MYOM2: variants seen among roughly 807,000 people sequenced by gnomAD.
The protein encoded by MYOM2 is myomesin 2.
A neutral mutation model predicts 187.6 loss-of-function variants in MYOM2; 254 were observed. The observed-to-expected ratio is 1.35, with a 90% confidence interval of 1.22 to 1.50. The LOEUF (loss-of-function observed/expected upper bound fraction) is 1.50, where lower values mean the gene tolerates loss of function less well. MYOM2 is among the 40% of genes most tolerant of loss of function. The pLI is 0.00. For synonymous variants in MYOM2, 981 were observed against 753.8 expected, an observed-to-expected ratio of 1.30 and a Z score of -4.94; for missense variants, 2,796 against 1,924.0, an observed-to-expected ratio of 1.45 and a Z score of -8.48.
Position 2,123,253 on chromosome 8 carries a change from T to C in MYOM2, c.3455T>C (p.Val1152Ala), listed in dbSNP as rs750947451. 18 of 1,607,114 alleles carry C rather than the reference T, an allele frequency of 1.1e-5. No homozygotes were observed. The highest frequency in any genetic ancestry group is 8.0e-5 in the African/African-American group (6 of 74,646). ...EECEVRLVCK[V>A]ANTKKETVFK... ...AAACTTAAGCTTTCTACCTCACAGG[T>C]TGCAAACACCAAGAAAGAAACCGTT... The change falls in exon 29 of 37, where the codon GTT (valine) becomes GCT (alanine). Residue 1152 changes from valine (V) to alanine (A), a missense_variant and splice_region_variant. Physicochemically the swap from Val to Ala is moderately conservative, Grantham distance 64. Coordinates refer to ENST00000262113, the MANE Select transcript of MYOM2 (RefSeq NM_003970.4).
At chr8:2,070,514 T>G (rs1435810066) in intron 8 of MYOM2, among the ~76,000 whole-genome samples, 2 of 152,136 alleles carry the variant, frequency 1.3e-5, no homozygotes, top group African/African-American at 2.4e-5. Flanking sequence ...TGGGTGTCTG[T>G]GTGTAGCTCT....
chr8:2,144,669 G>T lies in MYOM2; in HGVS notation c.4086G>T (p.Leu1362Phe). Residue 1362 changes from leucine (L) to phenylalanine (F), a missense_variant, in exon 37 of 37, where the codon TTG becomes TTT. Leu to Phe is a conservative substitution (Grantham distance 22). Transcript: ENST00000262113. The stretch of plus-strand genomic sequence containing the variant: ...CCAACCTCTTCCGTCCAAAGACCTT[G>T]AATCTGACCTGCACGGTGTTTGGAA... Reference protein sequence around the residue: ...DVVTIMEGKTLNLTCTVFGNP... With the variant: ...DVVTIMEGKTFNLTCTVFGNP... The T allele has an allele frequency of 6.2e-7, 1 of 1,613,544 alleles. No homozygotes were observed. The highest frequency in any genetic ancestry group is 8.5e-7 in the Non-Finnish European group (1 of 1,179,928).
chr8:2,097,036 A>G (rs1224915495), intron 18 of MYOM2: 1 of 790,564 alleles, frequency 1.3e-6, no homozygotes, highest in African/African-American at 1.9e-5. Context: ...ATCTGAGCAT[A>G]GATGAATGAC....
At chr8:2,065,700 A>G (rs1818996829) in intron 6 of MYOM2, among the ~76,000 whole-genome samples, 1 of 152,228 alleles carries the variant, frequency 6.6e-6, no homozygotes, top group Admixed American at 6.5e-5. Context: ...ATCCAAGACA[A>G]GTAGTTTCAA....
chr8:2,081,884 T>G (rs1160328053), intron 13 of MYOM2: 2 of 152,248 alleles, frequency 1.3e-5, no homozygotes, highest in East Asian at 3.8e-4. Context: ...ACACAGATGC[T>G]CTTTTCCATG....
intron 31 of MYOM2, among the ~76,000 whole-genome samples, chr8:2,126,974 G>A (rs1023384831): frequency 6.7e-6 from 1 of 149,298 alleles, no homozygotes; most frequent in African/African-American, 2.5e-5. Context: ...CACTGAGAGA[G>A]GCTGACGGAG....
intron 13 of MYOM2, among the ~76,000 whole-genome samples, chr8:2,084,187 C>G (rs1819730033): frequency 6.6e-6 from 1 of 152,238 alleles, no homozygotes; most frequent in Admixed American, 6.5e-5. Context: ...GGAGAGCAGG[C>G]CTGTGGGGTG....
rs527837675 is a variant in MYOM2 at position 2,098,810 on chromosome 8, T to TA, written c.2314-45dup. The TA allele has an allele frequency of 4.7e-5, 73 of 1,567,594 alleles. 1 individual carries two copies. In the South Asian group the frequency reaches 7.4e-4, roughly 16 times the overall value. On this transcript the variant is annotated intron_variant, in intron 18 of 36. Transcript: ENST00000262113. Reference sequence around the variant, plus strand: ...ACAACTCCTCCCCCTCAGTGGGCTGTAAGGCATCCTTTATCTCATGTATTA... The same window carrying TA: ...ACAACTCCTCCCCCTCAGTGGGCTGTAAAGGCATCCTTTATCTCATGTATTA...
rs1250818614 is a variant in MYOM2, at chr8:2,052,152, C to T, written c.108-6C>T. On this transcript the variant is annotated splice_polypyrimidine_tract_variant and splice_region_variant and intron_variant, in intron 2 of 36. Transcript: ENST00000262113. ...GCATCTCCTAATCGTGTCCATGTTC[C>T]TGAAGGCGAGCTTCCACCCAGGCAT... 4 of 1,612,982 alleles carry T rather than the reference C, an allele frequency of 2.5e-6. No homozygotes were observed. The Admixed American group carries it at 5.0e-5, about 20-fold the overall frequency.
chr8:2,123,534 T>C (rs1319394843), intron 29 of MYOM2, 21 bp from the exon 30 acceptor site: 1 of 1,602,736 alleles, frequency 6.2e-7, no homozygotes, highest in East Asian at 2.2e-5. Flanking sequence ...TACATAAATA[T>C]GGAATGTGTT....
chr8:2,067,423 T>C (rs114970622), intron 6 of MYOM2, among the ~76,000 whole-genome samples: 495 of 152,290 alleles, frequency 3.3e-3, no homozygotes, highest in Middle Eastern at 0.01. Flanking sequence ...ACGTGGACCT[T>C]GTTTACCTAG....
chr8:2,064,413 G>A (rs575642926), intron 6 of MYOM2, among the ~76,000 whole-genome samples: 1 of 152,334 alleles, frequency 6.6e-6, no homozygotes, highest in Admixed American at 6.5e-5. Context: ...GAGCTCCTTA[G>A]CGGGGCGCCT....
intron 17 of MYOM2, among the ~76,000 whole-genome samples, chr8:2,094,545 G>T (rs758202082): frequency 2.6e-5 from 4 of 152,154 alleles, no homozygotes; most frequent in Non-Finnish European, 5.9e-5. Flanking sequence ...CCAGCTACTC[G>T]ATAGGCTGAG....
In MYOM2 at chr8:2,123,325, C is replaced by T; in HGVS notation, c.3527C>T (p.Pro1176Leu). The change falls in exon 29 of 37, where the codon CCT (proline) becomes CTT (leucine). Residue 1176 changes from proline to leucine, a missense_variant. Transcript: ENST00000262113. Reference protein sequence around the residue: ...DDVLYETETLPNLERGICELL... With the variant: ...DDVLYETETLLNLERGICELL... ...GTTCTGTATGAAACGGAGACACTGCCTAACCTGGAGAGGGGAATCTGTGAG... is the reference window on the plus strand; with the variant it reads ...GTTCTGTATGAAACGGAGACACTGCTTAACCTGGAGAGGGGAATCTGTGAG... The T allele has an allele frequency of 6.2e-7, 1 of 1,614,014 alleles. No individual in the cohort carries two copies. The highest frequency in any genetic ancestry group is 8.5e-7 in the Non-Finnish European group (1 of 1,179,968).
chr8:2,101,204 C>T (rs1412793584), intron 20 of MYOM2, 150 bp downstream of exon 20: 9 of 742,056 alleles, frequency 1.2e-5, no homozygotes, highest in Middle Eastern at 3.9e-4. Context: ...AAAAATTAGC[C>T]GGGCATGGCA....
intron 6 of MYOM2, among the ~76,000 whole-genome samples, chr8:2,068,424 A>C (rs1819095325): frequency 1.3e-5 from 2 of 149,660 alleles, no homozygotes; most frequent in African/African-American, 5.0e-5. Context: ...GGTGGAGAGC[A>C]TCCTGGGGAC....
rs1362930768 is a variant in MYOM2, at chr8:2,102,776, G to T, written c.2729G>T (p.Arg910Ile). Residue 910 changes from arginine to isoleucine, a missense_variant, in exon 21 of 37, where the codon AGA becomes ATA. Physicochemically the swap from Arg to Ile is moderately conservative, Grantham distance 97. Coordinates refer to ENST00000262113, the MANE Select transcript of MYOM2 (RefSeq NM_003970.4). Reference sequence around the variant, plus strand: ...TCGGAGCCTGTGCTGGTAGAGGCGAGACCAGGTAAGGCTTACAACAAAAAC... The same window carrying T: ...TCGGAGCCTGTGCTGGTAGAGGCGATACCAGGTAAGGCTTACAACAAAAAC... ...DTSEPVLVEA[R>I]PGTKEISAGV... 2 of 1,612,482 alleles carry T rather than the reference G, an allele frequency of 1.2e-6. No homozygotes were observed. The highest frequency in any genetic ancestry group is 1.7e-6 in the Non-Finnish European group (2 of 1,178,698).
chr8:2,089,146 A>G (rs1329373996), intron 14 of MYOM2, among the ~76,000 whole-genome samples: 1 of 59,306 alleles, frequency 1.7e-5, no homozygotes, highest in Non-Finnish European at 4.5e-5. Context: ...GGGTCAGTGT[A>G]TATCCAACTT....
In MYOM2 at chr8:2,116,263, C is replaced by A; in HGVS notation, c.3373C>A (p.Leu1125Ile). ...EEAEFQRKEF[L>I]RKQGPHFAEY... The stretch of plus-strand genomic sequence containing the variant: ...GGCTGAGTTTCAAAGGAAAGAATTT[C>A]TCAGGAAACAAGGTGAGTTTCCTCA... The change falls in exon 27 of 37, where the codon CTC becomes ATC. Residue 1125 changes from leucine (L) to isoleucine (I), a missense_variant. Coordinates refer to ENST00000262113, the MANE Select transcript of MYOM2 (RefSeq NM_003970.4). The A allele has an allele frequency of 6.2e-7, 1 of 1,612,912 alleles. No homozygotes were observed. Among genetic ancestry groups the A allele is most frequent in the Non-Finnish European group, 8.5e-7 (1 of 1,179,432 alleles).
Sources: gnomAD v4.1 joint callset for allele counts (sites outside exome capture counted in the v4.1 genomes callset) on GRCh38, gnomAD v4.1.1 for gene constraint, MANE v1.5 for transcripts, NCBI Gene and HGNC (gene_info 2026-07-23, HGNC 2026-07-21) for gene names.